The following PLRG1 variants were observed in gnomAD, a reference collection of about 807,000 sequenced individuals.
PLRG1 encodes pleiotropic regulator 1 (PRL1 homolog, Arabidopsis).
PLRG1 carries 28 observed loss-of-function variants against 74.9 expected under a neutral mutation model. The ratio of observed to expected loss-of-function variants is 0.37; its 90% CI spans 0.28 to 0.51. The LOEUF (loss-of-function observed/expected upper bound fraction) is 0.51, where lower values mean the gene tolerates loss of function less well. PLRG1 is among the 20% of genes least tolerant of loss of function. The pLI is 0.91. For synonymous variants in PLRG1, 197 were observed against 212.4 expected (o/e 0.93, Z 0.63); for missense variants, 445 against 631.9 (o/e 0.70, Z 3.17).
chr4:154,549,808 T>G (rs1468576490), intron 1 of PLRG1: 1 of 456,804 alleles, frequency 2.2e-6, no homozygotes, highest in South Asian at 1.6e-5. Context: ...ATGGAATCAA[T>G]AAACATGTGG....
At chr4:154,537,214 A>AT (rs1418356479) in intron 14 of PLRG1, 72 bp downstream of exon 14, 1 of 878,938 alleles carries the variant, frequency 1.1e-6, no homozygotes, top group Non-Finnish European at 1.8e-6. Flanking sequence ...TTTCCTTCTG[A>AT]TAATTAAATG....
intron 11 of PLRG1, 39 bp from the exon 12 acceptor site, chr4:154,539,252 A>G: frequency 1.7e-6 from 2 of 1,149,410 alleles, no homozygotes; most frequent in Non-Finnish European, 2.6e-6. Context: ...AACATAGACC[A>G]GGAAAAATAA....
At chr4:154,550,076 T>C (rs1160997124) in intron 1 of PLRG1, among the ~76,000 whole-genome samples, 2 of 152,184 alleles carry the variant, frequency 1.3e-5, no homozygotes, top group Non-Finnish European at 1.5e-5. Context: ...ACTGGACGAA[T>C]TATCTCAGGC....
chr4:154,543,320 G>A (rs1278469393), intron 7 of PLRG1, among the ~76,000 whole-genome samples: 1 of 151,882 alleles, frequency 6.6e-6, no homozygotes, highest in East Asian at 1.9e-4. Flanking sequence ...GCCAATTTTT[G>A]TATTTTTTTG....
chr4:154,547,362 T>C, intron 3 of PLRG1: 1 of 515,746 alleles, frequency 1.9e-6, no homozygotes. Flanking sequence ...TTCTCTTTAC[T>C]TATTAAGATT....
Position 154,539,160 on chromosome 4 carries a change from C to T in PLRG1, c.1096G>A (p.Val366Met), listed in dbSNP as rs770806384. 6.2e-7 allele frequency: 1 copy of T among 1,612,610 alleles called. No individual in the cohort carries two copies. Among genetic ancestry groups the T allele is most frequent in the Non-Finnish European group, 8.5e-7 (1 of 1,178,740 alleles). The stretch of plus-strand genomic sequence containing the variant: ...GATTTTTTGTGATTTGTTAATGTCA[C>T]TCTTGTTTTTCCAGCCACCAGATCC... Reference protein sequence around the residue: ...LWDLVAGKTRVTLTNHKKSVR... With the variant: ...LWDLVAGKTRMTLTNHKKSVR... The change falls in exon 12 of 15, where the codon GTG (valine) becomes ATG (methionine). Residue 366 changes from valine to methionine, a missense_variant. Val to Met is a conservative substitution (Grantham distance 21). This residue lies in a region of PLRG1 where 221 missense variants were observed against 377.7 expected (regional missense o/e 0.59). Coordinates refer to ENST00000499023, the MANE Select transcript of PLRG1 (RefSeq NM_002669.4).
chr4:154,547,115 G>C, intron 3 of PLRG1, 51 bp from the exon 4 acceptor site: 1 of 1,261,628 alleles, frequency 7.9e-7, no homozygotes, highest in South Asian at 1.2e-5. Context: ...TTATACAAAA[G>C]TTATCATCTC....
At chr4:154,537,226 G>A in intron 14 of PLRG1, 60 bp downstream of exon 14, 1 of 1,051,644 alleles carries the variant, frequency 9.5e-7, no homozygotes, top group South Asian at 1.5e-5. Context: ...AATTAAATGA[G>A]AATATGCTGC....
At chr4:154,545,272 G>T (rs554190415) in intron 6 of PLRG1, among the ~76,000 whole-genome samples, 14 of 152,258 alleles carry the variant, frequency 9.2e-5, no homozygotes, top group African/African-American at 3.1e-4. Flanking sequence ...TGCATAATGA[G>T]CTGAGAAGCA....
Position 154,536,258 on chromosome 4 carries a change from AAATT to A in PLRG1, c.*423_*426del, listed in dbSNP as rs1729447120. The A allele has an allele frequency of 6.1e-6, 1 of 163,858 alleles. No individual in the cohort carries two copies. The highest frequency in any genetic ancestry group is 1.3e-5 in the Non-Finnish European group (1 of 77,008). The allele number at this position is 163,858 out of a possible 1,614,324, so 10.2% of individuals were successfully genotyped here. A position where few individuals can be genotyped will look rare whatever the true frequency, so the allele number is the denominator to read the frequency against. The stretch of plus-strand genomic sequence containing the variant: ...AACTGTTTTTGGAATAAACATACAT[AAATT>A]AAGACTTCAAATCTTTTAATCTCAA... On this transcript the variant is annotated 3_prime_UTR_variant, in exon 15 of 15. Coordinates refer to ENST00000499023, the MANE Select transcript of PLRG1 (RefSeq NM_002669.4).
rs1173948262 is a variant in PLRG1, at chr4:154,540,584, T to A, written c.939+10A>T. ...ATTTACAGATAAATACACAACTCTA[T>A]CCCATTTACCCGTGCAGTTGAATCT... is the stretch of plus-strand genomic sequence containing the variant. On this transcript the variant is annotated intron_variant, in intron 10 of 14. Transcript: ENST00000499023. 6.4e-7 allele frequency: 1 copy of A among 1,570,382 alleles called. No individual in the cohort carries two copies. Among genetic ancestry groups the A allele is most frequent in the Admixed American group, 1.7e-5 (1 of 59,896 alleles).
intron 1 of PLRG1, chr4:154,549,854 G>A: frequency 4.6e-6 from 2 of 438,254 alleles, no homozygotes; most frequent in Non-Finnish European, 9.1e-6. Context: ...AGCGTTGGCT[G>A]TTCATGCCAG....
intron 7 of PLRG1, among the ~76,000 whole-genome samples, chr4:154,543,323 T>C (rs1308475712): frequency 6.6e-6 from 1 of 152,022 alleles, no homozygotes; most frequent in South Asian, 2.1e-4. Flanking sequence ...AATTTTTGTA[T>C]TTTTTTGTAG....
At chr4:154,549,893 C>T (rs1318759819) in intron 1 of PLRG1, 2 of 415,596 alleles carry the variant, frequency 4.8e-6, no homozygotes, top group Non-Finnish European at 9.4e-6. Flanking sequence ...GCAAGTTTTT[C>T]TGGGGGTAGA....
Position 154,538,017 on chromosome 4 carries a change from T to C in PLRG1, c.1243A>G (p.Ile415Val). ...FIQNLSGHNA[I>V]INTLTVNSDG... Reference sequence around the variant, plus strand: ...GAATTTACCGTCAATGTGTTAATAATAGCATTATGACCGGAAAGATTTTGA... The same window carrying C: ...GAATTTACCGTCAATGTGTTAATAACAGCATTATGACCGGAAAGATTTTGA... The change falls in exon 13 of 15, where the codon ATT becomes GTT. Residue 415 changes from isoleucine (I) to valine (V), a missense_variant. By Grantham distance (29) the Ile-to-Val change is conservative (BLOSUM62 3). Coordinates refer to ENST00000499023, the MANE Select transcript of PLRG1 (RefSeq NM_002669.4). 1 of 1,559,484 alleles carries C rather than the reference T, an allele frequency of 6.4e-7. No homozygotes were observed. The highest frequency in any genetic ancestry group is 8.8e-7 in the Non-Finnish European group (1 of 1,141,588).
At chr4:154,544,088 G>T (rs1010266166) in intron 7 of PLRG1, 1 of 170,290 alleles carries the variant, frequency 5.9e-6, no homozygotes, top group Non-Finnish European at 1.3e-5. Context: ...TTCATTTATT[G>T]TAGTTGAAAG....
chr4:154,544,924 G>A (rs762116190), intron 6 of PLRG1, among the ~76,000 whole-genome samples: 1 of 152,160 alleles, frequency 6.6e-6, no homozygotes, highest in Non-Finnish European at 1.5e-5. Flanking sequence ...CAATATTAAA[G>A]TCATTTTAAG....
intron 1 of PLRG1, 66 bp from the exon 2 acceptor site, chr4:154,549,001 T>C (rs750246093): frequency 5.1e-5 from 47 of 916,050 alleles, no homozygotes; most frequent in South Asian, 1.2e-4. Flanking sequence ...TAAAGTCAGA[T>C]TGATTATACA....
In PLRG1 at chr4:154,547,821, T is replaced by C. The variant is rs1380906737; in HGVS notation, c.149A>G (p.Asn50Ser). 1.2e-6 allele frequency: 2 copies of C among 1,609,718 alleles called. No individual in the cohort carries two copies. The highest frequency in any genetic ancestry group is 1.7e-5 in the Admixed American group (1 of 59,562). ...HKRKMAIKLR[N>S]EYGPVLHMPT... ...CATATGCAACACAGGACCATACTCA[T>C]TACGAAGCTTGATTGCCATTTTTCG... Residue 50 changes from asparagine to serine, a missense_variant, in exon 3 of 15, where the codon AAT becomes AGT. By Grantham distance (46) the Asn-to-Ser change is conservative. This residue lies in a region of PLRG1 where 206 missense variants were observed against 210.8 expected (regional missense o/e 0.98). Coordinates refer to ENST00000499023, the MANE Select transcript of PLRG1 (RefSeq NM_002669.4).
Sources: allele counts gnomAD v4.1 joint callset (sites outside exome capture counted in the v4.1 genomes callset), GRCh38; gene constraint gnomAD v4.1.1; regional missense constraint gnomAD v4.1.1; transcripts MANE v1.5; gene names NCBI Gene and HGNC (gene_info 2026-07-23, HGNC 2026-07-21).